CENPW: variants seen among roughly 807,000 people sequenced by gnomAD.
CENPW encodes the protein centromere protein W.
CENPW carries 3 observed loss-of-function variants against 11.1 expected under a neutral mutation model. That is an observed-to-expected ratio of 0.27 (90% confidence interval 0.12 to 0.70). CENPW has a LOEUF of 0.70. CENPW is among the 30% of genes least tolerant of loss of function. The pLI, the probability that CENPW is intolerant of heterozygous loss-of-function variation, is 0.77. For missense variants in CENPW, 100 were observed against 105.6 expected, an observed-to-expected ratio of 0.95 and a Z score of 0.23; for synonymous variants, 38 against 42.0, an observed-to-expected ratio of 0.91 and a Z score of 0.37.
chr6:126,464,870 A>G, the CENPW span, among the ~76,000 whole-genome samples: 1 of 152,196 alleles, frequency 6.6e-6, no homozygotes, highest in Non-Finnish European at 1.5e-5. Context: ...GAGAACCCTG[A>G]CTAACACAGG....
chr6:126,377,104 A>G, the CENPW span, among the ~76,000 whole-genome samples: 2 of 152,170 alleles, frequency 1.3e-5, no homozygotes, highest in Non-Finnish European at 2.9e-5. Context: ...TGTTGTGTGG[A>G]GAGTAGAGAG....
chr6:126,410,715 T>A, the CENPW span, among the ~76,000 whole-genome samples: 2 of 151,962 alleles, frequency 1.3e-5, no homozygotes, highest in African/African-American at 4.8e-5. Context: ...TGTGAGTAAT[T>A]TTAAACCTCT....
intron 1 of CENPW, among the ~76,000 whole-genome samples, chr6:126,341,836 C>T (rs1780317604): frequency 6.6e-6 from 1 of 152,196 alleles, no homozygotes; most frequent in Non-Finnish European, 1.5e-5. Flanking sequence ...CTCAGGTAGT[C>T]AGCATCCTCC....
chr6:126,416,079 G>T, the CENPW span, among the ~76,000 whole-genome samples: 1 of 152,180 alleles, frequency 6.6e-6, no homozygotes, highest in Non-Finnish European at 1.5e-5. Flanking sequence ...CCAATATGCT[G>T]ATAATGATAC....
chr6:126,456,299 A>G, the CENPW span, among the ~76,000 whole-genome samples: 1 of 151,540 alleles, frequency 6.6e-6, no homozygotes, highest in East Asian at 1.9e-4. Context: ...CCTGACTTCA[A>G]ACTATACTGC....
the CENPW span, among the ~76,000 whole-genome samples, chr6:126,473,889 C>CAGCATAGATATATAGAATATATGCAT: frequency 6.9e-6 from 1 of 144,884 alleles, no homozygotes; most frequent in Non-Finnish European, 1.5e-5. Flanking sequence ...TATATATGCA[C>CAGCATAGATATATAGAATATATGCAT]AGCATAGATA....
chr6:126,477,178 C>T, the CENPW span, among the ~76,000 whole-genome samples: 1 of 151,872 alleles, frequency 6.6e-6, no homozygotes, highest in South Asian at 2.1e-4. Context: ...TCCTCTGTCT[C>T]CAACATATTG....
the CENPW span, among the ~76,000 whole-genome samples, chr6:126,453,007 A>G: frequency 6.6e-6 from 1 of 151,232 alleles, no homozygotes; most frequent in East Asian, 1.9e-4. Flanking sequence ...AAGTAAAGAA[A>G]ATTATTGTCA....
chr6:126,467,983 A>T, the CENPW span, among the ~76,000 whole-genome samples: 1 of 152,184 alleles, frequency 6.6e-6, no homozygotes, highest in Non-Finnish European at 1.5e-5. Flanking sequence ...CATGTGACAA[A>T]TTCCAATTAT....
At chr6:126,452,255 A>G in the CENPW span, among the ~76,000 whole-genome samples, 1 of 151,218 alleles carries the variant, frequency 6.6e-6, no homozygotes, top group Non-Finnish European at 1.5e-5. Flanking sequence ...TGAGAAAATA[A>G]GAATATTTCA....
chr6:126,396,971 G>T, the CENPW span, among the ~76,000 whole-genome samples: 1 of 151,868 alleles, frequency 6.6e-6, no homozygotes, highest in African/African-American at 2.4e-5. Flanking sequence ...CTCTCCTCAA[G>T]CAGAAAGAGG....
chr6:126,444,072 A>G, the CENPW span, among the ~76,000 whole-genome samples: 399 of 143,314 alleles, frequency 2.8e-3, 1 homozygote, highest in Non-Finnish European at 5.1e-3. Context: ...TTTTTCCTTT[A>G]TAAGTGACTT....
chr6:126,389,859 T>C, the CENPW span, among the ~76,000 whole-genome samples: 1 of 151,926 alleles, frequency 6.6e-6, no homozygotes, highest in Non-Finnish European at 1.5e-5. Flanking sequence ...GAAAAGGACT[T>C]TCAAATAAAA....
chr6:126,453,923 CAG>C, the CENPW span, among the ~76,000 whole-genome samples: 2 of 151,108 alleles, frequency 1.3e-5, no homozygotes, highest in Admixed American at 1.3e-4. Context: ...TCAGAAAAAA[CAG>C]ACTTTAAACT....
the CENPW span, among the ~76,000 whole-genome samples, chr6:126,468,775 A>G: frequency 3.3e-5 from 5 of 152,164 alleles, no homozygotes; most frequent in African/African-American, 1.2e-4. Context: ...TAAAGATGGA[A>G]TATGCTATAA....
chr6:126,479,033 G>A, the CENPW span, among the ~76,000 whole-genome samples: 1 of 151,926 alleles, frequency 6.6e-6, no homozygotes, highest in African/African-American at 2.4e-5. Context: ...TCCCAGCCCT[G>A]CTACACAAAA....
the CENPW span, among the ~76,000 whole-genome samples, chr6:126,407,100 C>T: frequency 6.6e-6 from 1 of 152,152 alleles, no homozygotes; most frequent in Non-Finnish European, 1.5e-5. Context: ...ACCTCCCCAA[C>T]AGTCCCCATT....
At chr6:126,352,950 G>C (rs1222821437), downstream of CENPW, among the ~76,000 whole-genome samples, 1 of 151,818 alleles carries the variant, frequency 6.6e-6, no homozygotes, top group Non-Finnish European at 1.5e-5. Context: ...TCATTGACTT[G>C]TTATATCCTC....
chr6:126,418,600 G>A, the CENPW span, among the ~76,000 whole-genome samples: 3 of 152,070 alleles, frequency 2.0e-5, no homozygotes, highest in African/African-American at 7.2e-5. Flanking sequence ...CCCACAGGAT[G>A]TACAACACTA....
Sources: allele counts gnomAD v4.1 joint callset (sites outside exome capture counted in the v4.1 genomes callset), GRCh38; gene constraint gnomAD v4.1.1; transcripts MANE v1.5; gene names NCBI Gene and HGNC (gene_info 2026-07-23, HGNC 2026-07-21).